CACNA1H: variants seen among roughly 807,000 people sequenced by gnomAD.
The protein encoded by CACNA1H is calcium voltage-gated channel subunit alpha1 H.
Under a neutral mutation model 192.5 loss-of-function variants are expected in CACNA1H, and 149 were observed. That is an observed-to-expected ratio of 0.77 (90% CI 0.68 to 0.89). The LOEUF (loss-of-function observed/expected upper bound fraction) is 0.89, where lower values mean the gene tolerates loss of function less well. Among genes scored for constraint, CACNA1H ranks in the 40% least tolerant of loss-of-function variants. The pLI is 0.00. For missense variants in CACNA1H, 4,257 were observed against 3,423.5 expected, an observed-to-expected ratio of 1.24 and a Z score of -6.08; for synonymous variants, 2,202 against 1,475.2, an observed-to-expected ratio of 1.49 and a Z score of -11.29.
Position 1,210,600 on chromosome 16 carries a change from C to T in CACNA1H, c.3987C>T (p.Ser1329=), listed in dbSNP as rs770769436. Residue 1329 remains serine, a synonymous_variant, in exon 20 of 35, where the codon AGC becomes AGT. Coordinates refer to ENST00000348261, the MANE Select transcript of CACNA1H (RefSeq NM_021098.3). Reference sequence around the variant, plus strand: ...CCCGGCAGGAGCGGGTCTTCCTCAGCGTCTCCAATTACATCTTCACGGCCA... The same window carrying T: ...CCCGGCAGGAGCGGGTCTTCCTCAGTGTCTCCAATTACATCTTCACGGCCA... ...DPGSTERVFL[S]VSNYIFTAIF... The T allele has an allele frequency of 1.4e-5, 22 of 1,608,244 alleles. No homozygotes were observed. Among genetic ancestry groups the T allele is most frequent in the East Asian group, 2.2e-5 (1 of 44,894 alleles).
At chr16:1,185,503 C>T (rs1298331575) in intron 2 of CACNA1H, among the ~76,000 whole-genome samples, 1 of 142,028 alleles carries the variant, frequency 7.0e-6, no homozygotes, top group Non-Finnish European at 1.5e-5. Flanking sequence ...CTGCAGAGTC[C>T]CCCCCCCCGC....
chr16:1,209,146 T>C lies in CACNA1H; in HGVS notation c.3478T>C (p.Cys1160Arg), dbSNP rs759219293. Reference protein sequence around the residue: ...RAPSLKRRGQCGERESLLSGE... With the variant: ...RAPSLKRRGQRGERESLLSGE... ...CCCCAGCCTCAAGCGCCGCGGCCAG[T>C]GTGGGGAACGTGAGTCCCTGCTGTC... Residue 1160 changes from cysteine to arginine, a missense_variant, in exon 17 of 35, where the codon TGT becomes CGT. Transcript: ENST00000348261. 3 of 1,553,370 alleles carry C rather than the reference T, an allele frequency of 1.9e-6. No homozygotes were observed. Among genetic ancestry groups the C allele is most frequent in the African/African-American group, 1.4e-5 (1 of 73,112 alleles).
At chr16:1,195,838 ATGCC>A in intron 4 of CACNA1H, 84 bp from the exon 5 acceptor site, 1 of 1,090,334 alleles carries the variant, frequency 9.2e-7, no homozygotes, top group Non-Finnish European at 1.4e-6. Context: ...GGCCGGTTCT[ATGCC>A]TGCCCACCCT....
chr16:1,173,070 C>G (rs1381091880), intron 2 of CACNA1H, among the ~76,000 whole-genome samples: 2 of 152,044 alleles, frequency 1.3e-5, no homozygotes, highest in Admixed American at 1.3e-4. Context: ...GGCCATGGGC[C>G]TGGGGAGCTG....
intron 4 of CACNA1H, 75 bp from the exon 5 acceptor site, chr16:1,195,851 C>G (rs1567495914): frequency 1.1e-5 from 13 of 1,183,758 alleles, no homozygotes; most frequent in Non-Finnish European, 1.6e-5. Flanking sequence ...CCTGCCCACC[C>G]TACTTTGCAC....
chr16:1,194,834 G>A (rs1360771309), intron 2 of CACNA1H, 138 bp from the exon 3 acceptor site: 5 of 655,724 alleles, frequency 7.6e-6, no homozygotes, highest in Admixed American at 2.2e-5. Flanking sequence ...CGTCGGTCCC[G>A]AGTCCCCCAC....
At chr16:1,175,167 A>G (rs1189443279) in intron 2 of CACNA1H, among the ~76,000 whole-genome samples, 2 of 152,108 alleles carry the variant, frequency 1.3e-5, no homozygotes, top group African/African-American at 4.8e-5. Context: ...CGCGCGGGCC[A>G]ACGCCCACTG....
intron 27 of CACNA1H, 115 bp downstream of exon 27, chr16:1,214,046 G>A (rs913862507): frequency 3.8e-5 from 32 of 846,446 alleles, no homozygotes; most frequent in African/African-American, 1.9e-4. Context: ...TGGGGTTTGC[G>A]TGGGGATGTG....
At chr16:1,166,455 CT>C (rs991003454) in intron 2 of CACNA1H, among the ~76,000 whole-genome samples, 4 of 152,206 alleles carry the variant, frequency 2.6e-5, no homozygotes, top group Non-Finnish European at 4.4e-5. Context: ...TGTTGTTGGT[CT>C]TTTCCCAGTT....
Position 1,155,289 on chromosome 16 carries a change from C to A in CACNA1H, c.299+1253C>A, listed in dbSNP as rs528692964. 1.6e-4 allele frequency among the ~76,000 whole-genome samples: 25 copies of A among 152,320 alleles called. No individual in the cohort carries two copies. The South Asian group carries it at 5.0e-3, about 30-fold the overall frequency. On this transcript the variant is annotated intron_variant, in intron 2 of 34. Coordinates refer to ENST00000348261, the MANE Select transcript of CACNA1H (RefSeq NM_021098.3). ...CGGAGCCCCACACCCGCTGCCCGGG[C>A]GGCCTAGGCCTCTGTAGCCTCAGGG...
chr16:1,210,578 G>A lies in CACNA1H; in HGVS notation c.3970-5G>A, dbSNP rs202115678. ...ACACAGCCCCCCACCGTCCTCTCCC[G>A]GCAGGAGCGGGTCTTCCTCAGCGTC... On this transcript the variant is annotated splice_region_variant and splice_polypyrimidine_tract_variant and intron_variant, in intron 19 of 34. Transcript: ENST00000348261. 1.2e-4 allele frequency: 193 copies of A among 1,609,268 alleles called. No homozygotes were observed. In the East Asian group the frequency reaches 1.9e-3, roughly 16 times the overall value.
Position 1,221,399 on chromosome 16 carries a change from G to GTGTC in CACNA1H, c.*405_*406insTGTC. 3.4e-6 allele frequency: 1 copy of GTGTC among 290,394 alleles called. No homozygotes were observed. Among genetic ancestry groups the GTGTC allele is most frequent in the Non-Finnish European group, 6.4e-6 (1 of 156,494 alleles). The allele number at this position is 290,394 out of a possible 1,614,324, so 18.0% of individuals were successfully genotyped here. A position where few individuals can be genotyped will look rare whatever the true frequency, so the allele number is the denominator to read the frequency against. ...CCTGTGCCCTTGCCGGCGGCAGGTTGCAGCCACCGCGGCCCAATGTCACCT... is the reference window on the plus strand; with the variant it reads ...CCTGTGCCCTTGCCGGCGGCAGGTTGTGTCCAGCCACCGCGGCCCAATGTCACCT... On this transcript the variant is annotated 3_prime_UTR_variant, in exon 35 of 35. Coordinates refer to ENST00000348261, the MANE Select transcript of CACNA1H (RefSeq NM_021098.3).
At chr16:1,203,587 A>C (rs961680562) in intron 9 of CACNA1H, among the ~76,000 whole-genome samples, 3 of 152,106 alleles carry the variant, frequency 2.0e-5, no homozygotes, top group Non-Finnish European at 4.4e-5. Flanking sequence ...ACAGCGGAAA[A>C]TCACTCAGCT....
At chr16:1,159,001 G>T (rs1352705736) in intron 2 of CACNA1H, among the ~76,000 whole-genome samples, 1 of 152,238 alleles carries the variant, frequency 6.6e-6, no homozygotes, top group East Asian at 1.9e-4. Context: ...TCATCGCTGG[G>T]ATCGTCCTTG....
intron 2 of CACNA1H, among the ~76,000 whole-genome samples, chr16:1,168,132 C>T (rs755069992): frequency 6.6e-6 from 1 of 151,982 alleles, no homozygotes. Flanking sequence ...GGCACGGTGG[C>T]GGGAGACCAG....
Position 1,216,223 on chromosome 16 carries a change from C to T in CACNA1H, c.5244+630C>T, listed in dbSNP as rs563825421. ...TGTCCCTGCGCCATCTGTCACTTGC[C>T]CCCTGCCTGTCTTCTGCCTCCCACC... On this transcript the variant is annotated intron_variant, in intron 30 of 34. Coordinates refer to ENST00000348261, the MANE Select transcript of CACNA1H (RefSeq NM_021098.3). Among the ~76,000 whole-genome samples, 17 of 152,330 alleles carry T rather than the reference C, an allele frequency of 1.1e-4. No homozygotes were observed. In the South Asian group the frequency reaches 2.3e-3, roughly 20 times the overall value.
At chr16:1,160,563 G>A (rs1322930749) in intron 2 of CACNA1H, among the ~76,000 whole-genome samples, 1 of 152,206 alleles carries the variant, frequency 6.6e-6, no homozygotes, top group Non-Finnish European at 1.5e-5. Context: ...TGGGGACGGA[G>A]TAGCAGCTTG....
At chr16:1,211,135 G>A (rs547048284) in intron 21 of CACNA1H, 33 bp from the exon 22 acceptor site, 2 of 1,605,878 alleles carry the variant, frequency 1.2e-6, no homozygotes, top group African/African-American at 1.3e-5. Context: ...TGCTGCCATA[G>A]ATGACTGCAG....
At chr16:1,168,309 C>T (rs1049141447) in intron 2 of CACNA1H, among the ~76,000 whole-genome samples, 3 of 152,134 alleles carry the variant, frequency 2.0e-5, no homozygotes, top group Non-Finnish European at 2.9e-5. Context: ...GGGCCTGAGG[C>T]CTGCAGTTCC....
Sources: gnomAD v4.1 joint callset for allele counts (sites outside exome capture counted in the v4.1 genomes callset) on GRCh38, gnomAD v4.1.1 for gene constraint, MANE v1.5 for transcripts, NCBI Gene and HGNC (gene_info 2026-07-23, HGNC 2026-07-21) for gene names.